TBC1D3B: variants seen among roughly 807,000 people sequenced by gnomAD.
TBC1D3B encodes the protein TBC1 domain family member 3B.
A neutral mutation model predicts 27.1 loss-of-function variants in TBC1D3B; 2 were observed. That is an observed-to-expected ratio of 0.07 (90% confidence interval 0.03 to 0.23). TBC1D3B has a LOEUF of 0.23. Ranked by LOEUF, TBC1D3B falls within the 10% of genes least tolerant of loss-of-function variation. TBC1D3B has a pLI of 1.00. For synonymous variants in TBC1D3B, 3 were observed against 150.1 expected, an observed-to-expected ratio of 0.02 and a Z score of 7.16; for missense variants, 17 against 401.3, an observed-to-expected ratio of 0.04 and a Z score of 8.18.
Position 36,166,001 on chromosome 17 carries a change from G to A in TBC1D3B, c.1644C>T (p.Gly548=), listed in dbSNP as rs2068245921. The A allele has an allele frequency of 8.7e-7, 1 of 1,145,572 alleles. No individual in the cohort carries two copies. The highest frequency in any genetic ancestry group is 1.4e-5 in the African/African-American group (1 of 72,630). The allele number at this position is 1,145,572 out of a possible 1,614,324, so 71.0% of individuals were successfully genotyped here. The change falls in exon 14 of 14, where the codon GGC becomes GGT. Residue 548 remains glycine (G), a synonymous_variant. Transcript: ENST00000611257. ...LHLESSQFPP[G]F ...AGCCCTGGCCCAGATGCTTCTAGAA[G>A]CCTGGAGGGAACTGAGAACTTTCCA...
Position 36,169,076 on chromosome 17 carries a change from T to C in TBC1D3B, c.762+4A>G, listed in dbSNP as rs1191721853. 4 of 1,605,834 alleles carry C rather than the reference T, an allele frequency of 2.5e-6. No homozygotes were observed. The highest frequency in any genetic ancestry group is 3.4e-6 in the Non-Finnish European group (4 of 1,174,468). ...GGGAAGAGCTGAGGGGACCATAAACTCACCTGATGCCCCATGGTCTTGGAT... is the reference window on the plus strand; with the variant it reads ...GGGAAGAGCTGAGGGGACCATAAACCCACCTGATGCCCCATGGTCTTGGAT... On this transcript the variant is annotated splice_donor_region_variant and intron_variant, in intron 10 of 13. Coordinates refer to ENST00000611257, the MANE Select transcript of TBC1D3B (RefSeq NM_001001417.7).
chr17:36,167,005 G>C (rs2068265502), intron 13 of TBC1D3B, among the ~76,000 whole-genome samples: 4 of 93,824 alleles, frequency 4.3e-5, no homozygotes, highest in African/African-American at 1.1e-4. Context: ...TGCCAGGACT[G>C]ACCGTTCCCA....
chr17:36,171,389 G>A (rs1391767128), intron 7 of TBC1D3B, among the ~76,000 whole-genome samples: 140 of 150,464 alleles, frequency 9.3e-4, no homozygotes, highest in African/African-American at 3.0e-3. Flanking sequence ...CAAGTCCATC[G>A]AGCTTTGTGA....
intron 9 of TBC1D3B, among the ~76,000 whole-genome samples, 194 bp from the exon 10 acceptor site, chr17:36,169,368 T>A (rs1254224405): frequency 6.7e-6 from 1 of 149,004 alleles, no homozygotes; most frequent in African/African-American, 2.4e-5. Context: ...GGCTGGAGGT[T>A]CCCCTGGAGG....
chr17:36,166,989 A>G (rs1796780545), intron 13 of TBC1D3B, among the ~76,000 whole-genome samples: 1 of 86,744 alleles, frequency 1.2e-5, no homozygotes, highest in African/African-American at 2.8e-5. Flanking sequence ...TGGGCTGCCC[A>G]GTCCATGCCA....
In TBC1D3B at chr17:36,166,246, GC is replaced by G; in HGVS notation, c.1398del (p.Pro467LeufsTer36). On this transcript the variant is annotated frameshift_variant, in exon 14 of 14. Coordinates refer to ENST00000611257, the MANE Select transcript of TBC1D3B (RefSeq NM_001001417.7). LOFTEE classifies it low-confidence loss of function (END_TRUNC). ...CTGAAATCATAATGGCGGAACCAAGGCCCCTCTACGTCCAGGTCCGTTGGGA... is the reference window on the plus strand; with the variant it reads ...CTGAAATCATAATGGCGGAACCAAGGCCCTCTACGTCCAGGTCCGTTGGGA... ...PRLPTDLDVE[G>X]PWFRHYDFRQ... 7.6e-7 allele frequency: 1 copy of G among 1,322,410 alleles called. No individual in the cohort carries two copies. The highest frequency in any genetic ancestry group is 1.1e-6 in the Non-Finnish European group (1 of 938,576). The allele number at this position is 1,322,410 out of a possible 1,614,324, so 81.9% of individuals were successfully genotyped here. A position where few individuals can be genotyped will look rare whatever the true frequency, so the allele number is the denominator to read the frequency against.
intron 9 of TBC1D3B, among the ~76,000 whole-genome samples, 189 bp from the exon 10 acceptor site, chr17:36,169,363 G>T (rs2068312467): frequency 6.7e-6 from 1 of 149,412 alleles, no homozygotes; most frequent in Non-Finnish European, 1.5e-5. Flanking sequence ...AGCCTGGCTG[G>T]AGGTTCCCCT....
intron 9 of TBC1D3B, among the ~76,000 whole-genome samples, chr17:36,169,450 G>T (rs2068315293): frequency 6.7e-6 from 1 of 149,948 alleles, no homozygotes; most frequent in South Asian, 2.1e-4. Context: ...AACTGGGTGG[G>T]CGCTGGGCTT....
At chr17:36,166,958 G>A (rs1327764557) in intron 13 of TBC1D3B, among the ~76,000 whole-genome samples, 1 of 66,810 alleles carries the variant, frequency 1.5e-5, no homozygotes, top group African/African-American at 3.2e-5. Flanking sequence ...GGGCCCGGAC[G>A]TGGGTCACCC....
intron 9 of TBC1D3B, 107 bp from the exon 10 acceptor site, chr17:36,169,281 T>A (rs2068310066): frequency 1.3e-6 from 2 of 1,550,784 alleles, no homozygotes; most frequent in East Asian, 4.5e-5. Context: ...CCAAGGCTAC[T>A]CCCACCCTCC....
intron 12 of TBC1D3B, among the ~76,000 whole-genome samples, 171 bp downstream of exon 12, chr17:36,167,896 G>GT (rs2068285086): frequency 1.0e-5 from 1 of 99,780 alleles, no homozygotes; most frequent in Non-Finnish European, 2.8e-5. Context: ...TTTCATCTGG[G>GT]TCATGTGAGG....
At chr17:36,167,858 A>G (rs1301518447) in intron 12 of TBC1D3B, among the ~76,000 whole-genome samples, 162 bp from the exon 13 acceptor site, 1 of 45,298 alleles carries the variant, frequency 2.2e-5, no homozygotes, top group African/African-American at 5.1e-5. Flanking sequence ...GGCGATCCGG[A>G]CAGGGAAGTG....
chr17:36,170,447 G>T, intron 8 of TBC1D3B, 108 bp downstream of exon 8: 3 of 186,186 alleles, frequency 1.6e-5, no homozygotes, highest in Non-Finnish European at 3.1e-5. Context: ...CTATATCCTG[G>T]TGGGTCACAA....
chr17:36,167,420 A>G (rs1598956974), intron 13 of TBC1D3B, 124 bp downstream of exon 13: 1 of 93,254 alleles, frequency 1.1e-5, no homozygotes, highest in African/African-American at 5.0e-5. Context: ...AGAGTCCAGG[A>G]GGAAGAGGAG....
chr17:36,171,262 G>A (rs1372176852), intron 7 of TBC1D3B, among the ~76,000 whole-genome samples: 1 of 150,836 alleles, frequency 6.6e-6, no homozygotes, highest in African/African-American at 2.4e-5. Flanking sequence ...CGTCCCCGAA[G>A]GCTCCGTGTG....
At chr17:36,171,267 C>T (rs1328583907) in intron 7 of TBC1D3B, among the ~76,000 whole-genome samples, 6 of 150,860 alleles carry the variant, frequency 4.0e-5, no homozygotes, top group African/African-American at 4.8e-5. Context: ...CCGAAGGCTC[C>T]GTGTGTGAGT....
chr17:36,171,128 C>T (rs2068345182), intron 7 of TBC1D3B, among the ~76,000 whole-genome samples: 2 of 146,844 alleles, frequency 1.4e-5, no homozygotes, highest in African/African-American at 4.9e-5. Context: ...TTCTGTCCCT[C>T]AGCAAAATGC....
At chr17:36,171,183 C>G (rs1458202795) in intron 7 of TBC1D3B, among the ~76,000 whole-genome samples, 1 of 149,298 alleles carries the variant, frequency 6.7e-6, no homozygotes, top group East Asian at 1.9e-4. Context: ...CGGCTCGTTC[C>G]CTTTTCTCAC....
At position 36,168,223 on chromosome 17, in the gene TBC1D3B, C is replaced by T. The variant is rs1217761885; in HGVS notation, c.829-57G>A. On this transcript the variant is annotated intron_variant, in intron 11 of 13. Transcript: ENST00000611257. ...TCCTTCCAGGCTGGGGCTGGTGGCT[C>T]GAGCTGCACACACTGGGGCTTCAGT... 18 of 303,536 alleles carry T rather than the reference C, an allele frequency of 5.9e-5. 7 individuals carry two copies. Among genetic ancestry groups the T allele is most frequent in the Admixed American group, 4.1e-4 (14 of 34,082 alleles). 18.8% of individuals were successfully genotyped at this position (303,536 alleles called of 1,614,324 possible).
Sources: allele counts gnomAD v4.1 joint callset (sites outside exome capture counted in the v4.1 genomes callset), GRCh38; gene constraint gnomAD v4.1.1; transcripts MANE v1.5; gene names NCBI Gene and HGNC (gene_info 2026-07-23, HGNC 2026-07-21).